ADGRB2: variants seen among roughly 807,000 people sequenced by gnomAD.
The protein encoded by ADGRB2 is brain-specific angiogenesis inhibitor 2.
ADGRB2 carries 47 observed loss-of-function variants against 178.7 expected under a neutral mutation model. The observed-to-expected ratio is 0.26, with a 90% CI of 0.21 to 0.34. The LOEUF is 0.34. Among genes scored for constraint, ADGRB2 ranks in the 10% least tolerant of loss-of-function variants. The probability of loss-of-function intolerance (pLI) is 1.00; values close to 1 mark genes in which losing one functional copy is unlikely to be tolerated. For missense variants in ADGRB2, 1,584 were observed against 2,180.8 expected (o/e 0.73, Z 5.45); for synonymous variants, 870 against 912.4 (o/e 0.95, Z 0.84).
intron 28 of ADGRB2, among the ~76,000 whole-genome samples, chr1:31,731,750 A>G (rs1645295139): frequency 6.6e-6 from 1 of 152,100 alleles, no homozygotes; most frequent in Admixed American, 6.5e-5. Context: ...TCCCCAGGAG[A>G]CAGAAATGGA....
At position 31,732,604 on chromosome 1, in the gene ADGRB2, A is replaced by G. The variant is rs1306437168; in HGVS notation, c.3633T>C (p.Asp1211=). 6.2e-7 allele frequency: 1 copy of G among 1,613,866 alleles called. No individual in the cohort carries two copies. The highest frequency in any genetic ancestry group is 1.3e-5 in the African/African-American group (1 of 74,950). ...ACACCCCCATCTGGCACTTCACCAC[A>G]TCCTGGACCTGGGGACAGAGGGCGC... is the stretch of plus-strand genomic sequence containing the variant. ...VHCFLRREVQ[D]VVKCQMGVCR... is the part of the protein sequence containing the mutation. The change falls in exon 27 of 33, where the codon GAT becomes GAC. Residue 1211 remains aspartate, a synonymous_variant. Coordinates refer to ENST00000373658, the MANE Select transcript of ADGRB2 (RefSeq NM_001364857.2).
At position 31,755,027 on chromosome 1, in the gene ADGRB2, C is replaced by T. The variant is rs1457995836; in HGVS notation, c.838+972G>A. ...TGATCCTCATGAGGATAAGCCAGCA[C>T]CTGTATCCCAAATGGGGAAACTGAG... On this transcript the variant is annotated intron_variant, in intron 4 of 32. Coordinates refer to ENST00000373658, the MANE Select transcript of ADGRB2 (RefSeq NM_001364857.2). This position sits in a 1 kb window ranked among gnomAD's most constrained non-coding sequence, Gnocchi z 5.1. Among the ~76,000 whole-genome samples the T allele has an allele frequency of 1.3e-5, 2 of 152,364 alleles. No individual in the cohort carries two copies. The highest frequency in any genetic ancestry group is 2.1e-4 in the South Asian group (1 of 4,828).
Position 31,759,408 on chromosome 1 carries a change from C to A in ADGRB2, c.-190-1897G>T. On this transcript the variant is annotated intron_variant, in intron 1 of 32. Transcript: ENST00000373658. This position sits in a 1 kb window ranked among gnomAD's most constrained non-coding sequence, Gnocchi z 4.3. ...GGGGTCTTCCTTTGCATGTCTGAAG[C>A]TGGATCTCCCTCCCCTACCCTGCTC... 3 of 779,064 alleles carry A rather than the reference C, an allele frequency of 3.9e-6. No individual in the cohort carries two copies. Among genetic ancestry groups the A allele is most frequent in the Non-Finnish European group, 7.2e-6 (3 of 417,588 alleles). 48.3% of individuals were successfully genotyped at this position (779,064 alleles called of 1,614,324 possible). A position where few individuals can be genotyped will look rare whatever the true frequency, so the allele number is the denominator to read the frequency against.
chr1:31,736,496 A>G (rs1012943371), intron 21 of ADGRB2, 77 bp downstream of exon 21: 5 of 1,599,186 alleles, frequency 3.1e-6, no homozygotes, highest in Admixed American at 1.7e-5. Flanking sequence ...GAGCTGGGCC[A>G]GGGCCAAAGC....
Position 31,756,850 on chromosome 1 carries a change from C to A in ADGRB2, c.22-35G>T. On this transcript the variant is annotated intron_variant, in intron 3 of 32. Coordinates refer to ENST00000373658, the MANE Select transcript of ADGRB2 (RefSeq NM_001364857.2). The surrounding 1 kb of genome is among the most constrained non-coding windows in gnomAD (Gnocchi z 8.5). ...GAGACAGTGGTCAGCGGGCCCCCAGCACAGCCAGCATGGGCTCTGAACCTT... is the reference window on the plus strand; with the variant it reads ...GAGACAGTGGTCAGCGGGCCCCCAGAACAGCCAGCATGGGCTCTGAACCTT... 7 of 1,448,314 alleles carry A rather than the reference C, an allele frequency of 4.8e-6. No individual in the cohort carries two copies. The highest frequency in any genetic ancestry group is 5.5e-6 in the Non-Finnish European group (6 of 1,096,288). The allele number at this position is 1,448,314 out of a possible 1,614,324, so 89.7% of individuals were successfully genotyped here.
rs1476644194 is a variant in ADGRB2, at chr1:31,761,183, C to A, written c.-191+2701G>T. ...GGGCAGGCGGGTGATGAGGAGGCTG[C>A]CACTCCCCGGTGGGACCCAGGTCCG... On this transcript the variant is annotated intron_variant, in intron 1 of 32. Coordinates refer to ENST00000373658, the MANE Select transcript of ADGRB2 (RefSeq NM_001364857.2). This position sits in a 1 kb window ranked among gnomAD's most constrained non-coding sequence, Gnocchi z 4.2. 6.6e-6 allele frequency among the ~76,000 whole-genome samples: 1 copy of A among 152,198 alleles called. No homozygotes were observed. The highest frequency in any genetic ancestry group is 2.4e-5 in the African/African-American group (1 of 41,456).
Position 31,732,507 on chromosome 1 carries a change from C to T in ADGRB2, c.3720+10G>A, listed in dbSNP as rs1296999715. ...AATCTGCCCAGGCCCTGCCCAGGCC[C>T]CTAACTCACCAGGATCTGCAGCTGC... On this transcript the variant is annotated intron_variant, in intron 27 of 32. Coordinates refer to ENST00000373658, the MANE Select transcript of ADGRB2 (RefSeq NM_001364857.2). The T allele has an allele frequency of 1.2e-6, 2 of 1,614,034 alleles. No individual in the cohort carries two copies. The highest frequency in any genetic ancestry group is 1.6e-4 in the Middle Eastern group (1 of 6,062).
Position 31,728,705 on chromosome 1 carries a change from G to T in ADGRB2, c.4381-72C>A. 6.3e-7 allele frequency: 1 copy of T among 1,581,262 alleles called. No individual in the cohort carries two copies. The highest frequency in any genetic ancestry group is 8.7e-7 in the Non-Finnish European group (1 of 1,151,452). ...ACCACCGGCAGGGGCTTTAGAGACA[G>T]GAAGCCTGGCATCCCAGGGGTCTGC... On this transcript the variant is annotated intron_variant, in intron 29 of 32. Coordinates refer to ENST00000373658, the MANE Select transcript of ADGRB2 (RefSeq NM_001364857.2). The surrounding 1 kb of genome is among the most constrained non-coding windows in gnomAD (Gnocchi z 6.7).
At position 31,736,000 on chromosome 1, in the gene ADGRB2, A is replaced by C. The variant is rs1347620321; in HGVS notation, c.3201-107T>G. 6 of 1,203,534 alleles carry C rather than the reference A, an allele frequency of 5.0e-6. No individual in the cohort carries two copies. Among genetic ancestry groups the C allele is most frequent in the Non-Finnish European group, 5.8e-6 (5 of 866,484 alleles). The allele number at this position is 1,203,534 out of a possible 1,614,324, so 74.6% of individuals were successfully genotyped here. A position where few individuals can be genotyped will look rare whatever the true frequency, so the allele number is the denominator to read the frequency against. Reference sequence around the variant, plus strand: ...GCTGCCATGCCCGCATCACCAGTGCAGTCTGAGCCCCAGACGGTGAGAGTG... The same window carrying C: ...GCTGCCATGCCCGCATCACCAGTGCCGTCTGAGCCCCAGACGGTGAGAGTG... On this transcript the variant is annotated intron_variant, in intron 22 of 32. Transcript: ENST00000373658. The surrounding 1 kb of genome is among the most constrained non-coding windows in gnomAD (Gnocchi z 6.0).
rs760247435 is a variant in ADGRB2, at chr1:31,741,660, C to T, written c.1651G>A (p.Glu551Lys). Reference protein sequence around the residue: ...LMTWKKAAAGEIIYNKCPPNA... With the variant: ...LMTWKKAAAGKIIYNKCPPNA... ...GGGGGGCACTTGTTGTAGATGATCT[C>T]GCCAGCAGCTGCCTTCTTCCACGTC... The change falls in exon 10 of 33, where the codon GAG (glutamate) becomes AAG (lysine). Residue 551 changes from glutamate (E) to lysine (K), a missense_variant. Transcript: ENST00000373658. The surrounding 1 kb of genome is among the most constrained non-coding windows in gnomAD (Gnocchi z 6.5). 4 of 1,613,950 alleles carry T rather than the reference C, an allele frequency of 2.5e-6. No individual in the cohort carries two copies. The highest frequency in any genetic ancestry group is 3.4e-6 in the Non-Finnish European group (4 of 1,179,994).
At position 31,740,500 on chromosome 1, in the gene ADGRB2, G is replaced by T. The variant is rs764255199; in HGVS notation, c.1836C>A (p.Gly612=). 6.2e-7 allele frequency: 1 copy of T among 1,612,346 alleles called. No homozygotes were observed. Among genetic ancestry groups the T allele is most frequent in the Non-Finnish European group, 8.5e-7 (1 of 1,179,516 alleles). ...HLAKGQRMLA[G]EGMSQVVRSL... is the part of the protein sequence containing the mutation. ...TGCGCACCACCTGCGACATGCCCTC[G>T]CCTGCCAGCATGCGCTGCCCCTTGG... Residue 612 remains glycine, a synonymous_variant, in exon 12 of 33, where the codon GGC becomes GGA. Transcript: ENST00000373658. The surrounding 1 kb of genome is among the most constrained non-coding windows in gnomAD (Gnocchi z 5.9).
At position 31,739,378 on chromosome 1, in the gene ADGRB2, C is replaced by T; in HGVS notation, c.2425G>A (p.Asp809Asn). 1 of 1,526,752 alleles carries T rather than the reference C, an allele frequency of 6.5e-7. No homozygotes were observed. Among genetic ancestry groups the T allele is most frequent in the Non-Finnish European group, 8.8e-7 (1 of 1,136,028 alleles). The allele number at this position is 1,526,752 out of a possible 1,614,324, so 94.6% of individuals were successfully genotyped here. The change falls in exon 15 of 33, where the codon GAT (aspartate) becomes AAT (asparagine). Residue 809 changes from aspartate to asparagine, a missense_variant. Physicochemically the swap from Asp to Asn is conservative, Grantham distance 23 (BLOSUM62 1). Transcript: ENST00000373658. The part of the protein sequence containing the change: ...SHQRLLPADP[D>N]ESSYFVIGAV... ...CCGATCACAAAGTAGGAGGACTCAT[C>T]AGGGTCTGCTGGGAGGAGGCGCTGG...
Position 31,738,950 on chromosome 1 carries a change from T to A in ADGRB2, c.2496-13A>T, listed in dbSNP as rs772021268. On this transcript the variant is annotated splice_polypyrimidine_tract_variant and intron_variant, in intron 15 of 32. Transcript: ENST00000373658. ...GGCCAGCGGGGGCCTGCGGGACAGG[T>A]ACCGAAGTCAGCTCCTGCCAGCGGG... The A allele has an allele frequency of 1.9e-6, 3 of 1,596,316 alleles. No individual in the cohort carries two copies. The highest frequency in any genetic ancestry group is 2.6e-6 in the Non-Finnish European group (3 of 1,167,756).
In ADGRB2 at chr1:31,764,273, G is replaced by A; in HGVS notation, c.-580C>T. 1 of 160,154 alleles carries A rather than the reference G, an allele frequency of 6.2e-6. No homozygotes were observed. Among genetic ancestry groups the A allele is most frequent in the Non-Finnish European group, 1.3e-5 (1 of 78,776 alleles). 9.9% of individuals were successfully genotyped at this position (160,154 alleles called of 1,614,324 possible). On this transcript the variant is annotated 5_prime_UTR_variant, in exon 1 of 33. Coordinates refer to ENST00000373658, the MANE Select transcript of ADGRB2 (RefSeq NM_001364857.2). The surrounding 1 kb of genome is among the most constrained non-coding windows in gnomAD (Gnocchi z 7.3). ...TCCTCTTCGGTCTCTGAGCGCCGCC[G>A]CCGCTGCCGCCGAACCCGGTTCCTC...
In ADGRB2 at chr1:31,735,554, C is replaced by T; in HGVS notation, c.3353+26G>A. 3 of 1,610,928 alleles carry T rather than the reference C, an allele frequency of 1.9e-6. No individual in the cohort carries two copies. Among genetic ancestry groups the T allele is most frequent in the Non-Finnish European group, 2.5e-6 (3 of 1,177,246 alleles). On this transcript the variant is annotated intron_variant, in intron 24 of 32. Transcript: ENST00000373658. The surrounding 1 kb of genome is among the most constrained non-coding windows in gnomAD (Gnocchi z 6.0). ...CCTCCCTGCACCATTTCCAGAAAGGCCAAGTCTCAGAGGCCCCCCCCTTAC... is the reference window on the plus strand; with the variant it reads ...CCTCCCTGCACCATTTCCAGAAAGGTCAAGTCTCAGAGGCCCCCCCCTTAC...
intron 1 of ADGRB2, 47 bp downstream of exon 1, chr1:31,763,837 C>G: frequency 1.0e-6 from 1 of 985,038 alleles, no homozygotes; most frequent in Non-Finnish European, 1.2e-6. Context: ...ACCGCGCCGG[C>G]AGGGCTCGGT....
In ADGRB2 at chr1:31,738,680, C is replaced by T. The variant is rs77039877; in HGVS notation, c.2602-50G>A. ...AGTCTAGGGAGGGAAGCTCACCACA[C>T]CCCACCACTGCCCATGCCATGGGGG... On this transcript the variant is annotated intron_variant, in intron 16 of 32. Coordinates refer to ENST00000373658, the MANE Select transcript of ADGRB2 (RefSeq NM_001364857.2). The T allele has an allele frequency of 1.6e-3, 2,630 of 1,607,418 alleles. 37 individuals carry two copies. The Admixed American group carries it at 0.022, about 14-fold the overall frequency.
At chr1:31,747,103 T>G (rs1173308443) in intron 4 of ADGRB2, among the ~76,000 whole-genome samples, 1 of 152,142 alleles carries the variant, frequency 6.6e-6, no homozygotes, top group Non-Finnish European at 1.5e-5. Context: ...TGTGGATACT[T>G]TGCAGACCTG....
rs758262732 is a variant in ADGRB2, at chr1:31,739,366, A to T, written c.2437T>A (p.Tyr813Asn). 1 of 1,513,458 alleles carries T rather than the reference A, an allele frequency of 6.6e-7. No homozygotes were observed. The highest frequency in any genetic ancestry group is 1.4e-5 in the African/African-American group (1 of 72,552). The allele number at this position is 1,513,458 out of a possible 1,614,324, so 93.8% of individuals were successfully genotyped here. Residue 813 changes from tyrosine to asparagine, a missense_variant, in exon 15 of 33, where the codon TAC becomes AAC. By Grantham distance (143) the Tyr-to-Asn change is moderately radical. Coordinates refer to ENST00000373658, the MANE Select transcript of ADGRB2 (RefSeq NM_001364857.2). ...LLPADPDESS[Y>N]FVIGAVLYRT... Reference sequence around the variant, plus strand: ...TAGAGTACAGCACCGATCACAAAGTAGGAGGACTCATCAGGGTCTGCTGGG... The same window carrying T: ...TAGAGTACAGCACCGATCACAAAGTTGGAGGACTCATCAGGGTCTGCTGGG...
Sources: allele counts gnomAD v4.1 joint callset (sites outside exome capture counted in the v4.1 genomes callset), GRCh38; gene constraint gnomAD v4.1.1; non-coding constraint Gnocchi (gnomAD v3.1); transcripts MANE v1.5; gene names NCBI Gene and HGNC (gene_info 2026-07-23, HGNC 2026-07-21).